The following AIM2 variants were observed in gnomAD, a reference collection of about 807,000 sequenced individuals.
The protein encoded by AIM2 is absent in melanoma 2.
AIM2 carries 30 observed loss-of-function variants against 27.7 expected under a neutral mutation model. The observed-to-expected ratio is 1.08, with a 90% CI of 0.81 to 1.47. The LOEUF is 1.47. Among genes scored for constraint, AIM2 ranks in the 40% most tolerant of loss-of-function variants. The probability of loss-of-function intolerance (pLI) is 0.00; values close to 1 mark genes in which losing one functional copy is unlikely to be tolerated. For missense variants in AIM2, 358 were observed against 411.3 expected (o/e 0.87, Z 1.12); for synonymous variants, 141 against 145.3 (o/e 0.97, Z 0.21).
In AIM2 at chr1:159,116,600, G is replaced by T. The variant is rs1348000098; in HGVS notation, c.-16+23831C>A. ...TCACAAGGACAAAAAACCAAACACCGCATGTTCTCACTCATAGGTGGGAAC... is the reference window on the plus strand; with the variant it reads ...TCACAAGGACAAAAAACCAAACACCTCATGTTCTCACTCATAGGTGGGAAC... On this transcript the variant is annotated intron_variant, in intron 1 of 2. Coordinates refer to the AIM2 transcript ENST00000368129. 2.0e-5 allele frequency among the ~76,000 whole-genome samples: 3 copies of T among 151,884 alleles called. 1 individual carries two copies. The highest frequency in any genetic ancestry group is 2.0e-4 in the Admixed American group (3 of 15,248).
chr1:159,092,939 T>G (rs569322513), intron 1 of AIM2, among the ~76,000 whole-genome samples: 1 of 151,802 alleles, frequency 6.6e-6, no homozygotes, highest in East Asian at 1.9e-4. Context: ...GGCAGGAAAA[T>G]TGCTTGAACC....
At chr1:159,080,341 A>G (rs1557898434), upstream of AIM2, among the ~76,000 whole-genome samples, 1 of 152,206 alleles carries the variant, frequency 6.6e-6, no homozygotes, top group Non-Finnish European at 1.5e-5. Flanking sequence ...ACTGCATTGA[A>G]CAGTTTTAAG....
At chr1:159,086,869 A>T (rs1187275285) in intron 1 of AIM2, among the ~76,000 whole-genome samples, 1 of 152,222 alleles carries the variant, frequency 6.6e-6, no homozygotes, top group East Asian at 1.9e-4. Context: ...AGTAAACTCT[A>T]TCCATTATTA....
At chr1:159,112,187 A>G (rs1657590971) in intron 1 of AIM2, among the ~76,000 whole-genome samples, 1 of 152,240 alleles carries the variant, frequency 6.6e-6, no homozygotes, top group African/African-American at 2.4e-5. Flanking sequence ...TATTTAAAAA[A>G]GACTTTCCTA....
At chr1:159,145,515 A>C (rs1416889197) in intron 1 of AIM2, among the ~76,000 whole-genome samples, 1 of 152,178 alleles carries the variant, frequency 6.6e-6, no homozygotes, top group Non-Finnish European at 1.5e-5. Flanking sequence ...AAGCCAAGGA[A>C]AGACAAATAC....
intron 1 of AIM2, among the ~76,000 whole-genome samples, chr1:159,108,019 TAGAG>T (rs1657489726): frequency 1.3e-5 from 2 of 152,118 alleles, no homozygotes; most frequent in East Asian, 3.9e-4. Flanking sequence ...TTCCACATCA[TAGAG>T]AAAGAGGGAA....
intron 1 of AIM2, among the ~76,000 whole-genome samples, chr1:159,139,798 C>A (rs1386433423): frequency 1.3e-5 from 2 of 152,202 alleles, no homozygotes; most frequent in Non-Finnish European, 2.9e-5. Context: ...CATCCCCAGC[C>A]CTCACAATTC....
At chr1:159,118,277 T>C (rs568182178) in intron 1 of AIM2, among the ~76,000 whole-genome samples, 1 of 152,338 alleles carries the variant, frequency 6.6e-6, no homozygotes, top group African/African-American at 2.4e-5. Context: ...TGTATCCCCT[T>C]GACATGGGCA....
At chr1:159,069,476 A>T (rs1656258053) in intron 2 of AIM2, among the ~76,000 whole-genome samples, 1 of 152,042 alleles carries the variant, frequency 6.6e-6, no homozygotes, top group Admixed American at 6.5e-5. Flanking sequence ...TGTAATTATC[A>T]ATTAAATGGA....
chr1:159,119,288 G>C (rs1241299386), intron 1 of AIM2, among the ~76,000 whole-genome samples: 1 of 151,730 alleles, frequency 6.6e-6, no homozygotes, highest in African/African-American at 2.4e-5. Context: ...ATACAAACAG[G>C]GTGCAGCTTA....
upstream of AIM2, among the ~76,000 whole-genome samples, chr1:159,141,973 A>G (rs556033096): frequency 6.6e-6 from 1 of 152,290 alleles, no homozygotes; most frequent in East Asian, 1.9e-4. Flanking sequence ...TCCATCCCTT[A>G]GGGATGATAC....
chr1:159,133,145 T>A (rs1462104494), intron 1 of AIM2, among the ~76,000 whole-genome samples: 1 of 152,148 alleles, frequency 6.6e-6, no homozygotes. Flanking sequence ...CCCAAAAACC[T>A]TGGCTTCTAT....
At chr1:159,055,841 G>T in the AIM2 span, among the ~76,000 whole-genome samples, 1 of 152,186 alleles carries the variant, frequency 6.6e-6, no homozygotes, top group African/African-American at 2.4e-5. Flanking sequence ...CTAGAAGGTT[G>T]ATTGTTTTCT....
chr1:159,112,157 A>G (rs1271162306), intron 1 of AIM2, among the ~76,000 whole-genome samples: 2 of 152,228 alleles, frequency 1.3e-5, no homozygotes, highest in Admixed American at 1.3e-4. Context: ...CTGGAATAAG[A>G]CATACTCCAG....
At chr1:159,056,717 CAA>C in the AIM2 span, among the ~76,000 whole-genome samples, 287 of 44,182 alleles carry the variant, frequency 6.5e-3, no homozygotes, top group African/African-American at 0.017. Flanking sequence ...GCCCAACCGG[CAA>C]AAAAAAAAAA....
At position 159,146,735 on chromosome 1, in the gene AIM2, C is replaced by T. The variant is rs546471511; in HGVS notation, n.87+275G>A. 9.9e-5 allele frequency among the ~76,000 whole-genome samples: 15 copies of T among 152,284 alleles called. No homozygotes were observed. In the South Asian group the frequency reaches 1.9e-3, roughly 19 times the overall value. On this transcript the variant is annotated intron_variant and non_coding_transcript_variant, in intron 1 of 6. Transcript: ENST00000411768. ...CACTGCTCTTCTCTGTCTCTGCCCC[C>T]CTTAGCCATCAACCTCAAGGCACTC...
chr1:159,057,634 C>T (rs1014901341), downstream of AIM2, among the ~76,000 whole-genome samples: 4 of 152,182 alleles, frequency 2.6e-5, no homozygotes, highest in African/African-American at 9.7e-5. Flanking sequence ...CTGGAGCTTG[C>T]TTGTTGGTTC....
chr1:159,081,363 T>C (rs1656770902), upstream of AIM2: 3 of 291,702 alleles, frequency 1.0e-5, no homozygotes, highest in Non-Finnish European at 2.0e-5. Flanking sequence ...ATAAAAATCT[T>C]TGGAAGTCAA....
At chr1:159,077,387 C>T (rs982033354), upstream of AIM2, among the ~76,000 whole-genome samples, 18 of 152,200 alleles carry the variant, frequency 1.2e-4, no homozygotes, top group Admixed American at 7.8e-4. Flanking sequence ...ACTGTCATGG[C>T]GTCAGGTGCA....
Sources: allele counts gnomAD v4.1 joint callset (sites outside exome capture counted in the v4.1 genomes callset), GRCh38; gene constraint gnomAD v4.1.1; transcripts MANE v1.5; gene names NCBI Gene and HGNC (gene_info 2026-07-23, HGNC 2026-07-21).